Variants in RDX observed in about 807,000 individuals in gnomAD.
RDX encodes deafness, autosomal recessive 24.
A neutral mutation model predicts 83.7 loss-of-function variants in RDX; 32 were observed. The ratio of observed to expected loss-of-function variants is 0.38; its 90% confidence interval spans 0.29 to 0.51. The LOEUF (loss-of-function observed/expected upper bound fraction) is 0.51. RDX is among the 20% of genes least tolerant of loss of function. The pLI is 0.87. For synonymous variants in RDX, 229 were observed against 222.7 expected (o/e 1.03, Z -0.25); for missense variants, 600 against 689.9 (o/e 0.87, Z 1.46).
chr11:110,213,206 G>A (rs1288254856), intron 14 of RDX, among the ~76,000 whole-genome samples: 2 of 151,106 alleles, frequency 1.3e-5, no homozygotes, highest in Non-Finnish European at 2.9e-5. Flanking sequence ...CAGACAAACA[G>A]AGAGCCAAAT....
At chr11:110,223,036 A>C (rs550969560) in intron 14 of RDX, among the ~76,000 whole-genome samples, 2 of 152,294 alleles carry the variant, frequency 1.3e-5, no homozygotes, top group South Asian at 4.1e-4. Context: ...TATGTCCTTC[A>C]ACAGCAAATG....
intron 10 of RDX, among the ~76,000 whole-genome samples, chr11:110,240,417 TG>T (rs1227485055): frequency 6.6e-6 from 1 of 152,072 alleles, no homozygotes; most frequent in Non-Finnish European, 1.5e-5. Context: ...AGAATAGAAA[TG>T]TATTTATTAC....
intron 14 of RDX, among the ~76,000 whole-genome samples, chr11:110,215,006 A>G (rs184273150): frequency 2.2e-4 from 32 of 144,144 alleles, no homozygotes; most frequent in African/African-American, 8.4e-4. Flanking sequence ...AAAAAATGAA[A>G]AAAATAAAAA....
At chr11:110,189,987 G>A (rs12288684) in intron 15 of RDX, among the ~76,000 whole-genome samples, 6,499 of 152,246 alleles carry the variant, frequency 0.043, 468 homozygotes, top group African/African-American at 0.15. Flanking sequence ...GGAGGCTGAG[G>A]CAGGAGAATC....
At chr11:110,191,477 GGAA>G (rs1480008277) in intron 15 of RDX, among the ~76,000 whole-genome samples, 1 of 152,204 alleles carries the variant, frequency 6.6e-6, no homozygotes, top group Non-Finnish European at 1.5e-5. Context: ...GGCAAAAGCT[GGAA>G]GGATTCCCCT....
intron 2 of RDX, 77 bp downstream of exon 2, chr11:110,279,604 T>G: frequency 1.0e-6 from 1 of 974,630 alleles, no homozygotes; most frequent in South Asian, 1.4e-5. Flanking sequence ...TCTACCAACA[T>G]TCTTTGTCTT....
At chr11:110,262,760 T>G (rs1263170081) in intron 5 of RDX, among the ~76,000 whole-genome samples, 1 of 152,168 alleles carries the variant, frequency 6.6e-6, no homozygotes, top group Non-Finnish European at 1.5e-5. Flanking sequence ...ATCCCCACTT[T>G]GCAGATTTAG....
At chr11:110,296,099 C>G (rs1246290178) in intron 1 of RDX, among the ~76,000 whole-genome samples, 1 of 152,240 alleles carries the variant, frequency 6.6e-6, no homozygotes, top group South Asian at 2.1e-4. Context: ...GTCCAGGCAG[C>G]GGGAGCCCAC....
intron 5 of RDX, among the ~76,000 whole-genome samples, chr11:110,262,813 T>C (rs201930798): frequency 1.3e-5 from 2 of 152,306 alleles, no homozygotes; most frequent in East Asian, 1.9e-4. Context: ...TAAGGTCACA[T>C]ATATAGCAAA....
intron 15 of RDX, among the ~76,000 whole-genome samples, chr11:110,199,346 T>C (rs1230656902): frequency 2.0e-5 from 3 of 152,160 alleles, no homozygotes; most frequent in East Asian, 1.9e-4. Flanking sequence ...ATGTTCTTGA[T>C]TGGCAAAGAG....
intron 15 of RDX, among the ~76,000 whole-genome samples, chr11:110,197,685 A>G (rs950889026): frequency 5.3e-5 from 8 of 152,224 alleles, no homozygotes; most frequent in African/African-American, 1.7e-4. Flanking sequence ...TTACGAGTTG[A>G]CAAAATGGAA....
chr11:110,259,777 C>A (rs1367057375), intron 5 of RDX, among the ~76,000 whole-genome samples: 2 of 152,082 alleles, frequency 1.3e-5, no homozygotes, highest in African/African-American at 4.8e-5. Context: ...ATGCCCAATG[C>A]CAGTACTAAA....
chr11:110,222,074 C>T (rs535364039), intron 14 of RDX, among the ~76,000 whole-genome samples: 1 of 152,244 alleles, frequency 6.6e-6, no homozygotes, highest in Admixed American at 6.5e-5. Context: ...CTTCTTTTCT[C>T]CTAATTCAGC....
intron 14 of RDX, among the ~76,000 whole-genome samples, chr11:110,207,095 C>T (rs3847564): frequency 0.99 from 151,235 of 152,254 alleles, 75,118 homozygotes; most frequent in Middle Eastern, 1. Context: ...AGCCTCAGCC[C>T]CCCTAGTAGC....
chr11:110,199,007 G>A (rs546471548), intron 15 of RDX, among the ~76,000 whole-genome samples: 135 of 152,066 alleles, frequency 8.9e-4, no homozygotes, highest in African/African-American at 2.1e-3. Flanking sequence ...TAGAGACGGG[G>A]TTTCACCATG....
At chr11:110,248,628 G>A (rs139086429) in intron 9 of RDX, among the ~76,000 whole-genome samples, 15 of 152,194 alleles carry the variant, frequency 9.9e-5, no homozygotes, top group African/African-American at 3.6e-4. Flanking sequence ...TTTACCATTT[G>A]CATACGGGAT....
rs183452920 is a variant in RDX, at chr11:110,220,417, T to C, written c.1748+11456A>G. 6.1e-3 allele frequency among the ~76,000 whole-genome samples: 932 copies of C among 152,276 alleles called. 4 individuals are homozygous for C. The highest frequency in any genetic ancestry group is 0.02 in the African/African-American group (834 of 41,548). On this transcript the variant is annotated intron_variant, in intron 14 of 15. Coordinates refer to the RDX transcript ENST00000528498. ...CAAATGGCCAAGTGGATTCCCAAGG[T>C]CTCAGAAGTGGCCAGGCCAAGATTC...
intron 1 of RDX, among the ~76,000 whole-genome samples, chr11:110,281,938 CAA>C (rs750336725): frequency 0.5 from 44,955 of 90,332 alleles, 7,388 homozygotes; most frequent in East Asian, 0.53. Flanking sequence ...CCATCTCTAT[CAA>C]AAAAAAAAAA....
intron 14 of RDX, among the ~76,000 whole-genome samples, chr11:110,221,794 G>T (rs1364465316): frequency 3.9e-5 from 6 of 152,120 alleles, no homozygotes; most frequent in African/African-American, 7.2e-5. Flanking sequence ...TCTCATTTCT[G>T]TATCTCCTGC....
Sources: gnomAD v4.1 joint callset for allele counts (sites outside exome capture counted in the v4.1 genomes callset) on GRCh38, gnomAD v4.1.1 for gene constraint, MANE v1.5 for transcripts, NCBI Gene and HGNC (gene_info 2026-07-23, HGNC 2026-07-21) for gene names.